Variants in TSHR observed in about 807,000 individuals in gnomAD.
TSHR encodes the protein thyroid stimulating hormone receptor.
Under a neutral mutation model 64.1 loss-of-function variants are expected in TSHR, and 51 were observed. That is an observed-to-expected ratio of 0.80 (90% CI 0.64 to 1.01). TSHR has a LOEUF of 1.01. Among genes scored for constraint, TSHR ranks in the 50% least tolerant of loss-of-function variants. The pLI, the probability that TSHR is intolerant of heterozygous loss-of-function variation, is 0.00. For missense variants in TSHR, 877 were observed against 942.8 expected, an observed-to-expected ratio of 0.93 and a Z score of 0.91; for synonymous variants, 361 against 361.9, an observed-to-expected ratio of 1.00 and a Z score of 0.03.
At chr14:81,059,313 G>A (rs999787632) in intron 1 of TSHR, among the ~76,000 whole-genome samples, 18 of 152,064 alleles carry the variant, frequency 1.2e-4, no homozygotes, top group African/African-American at 4.1e-4. Context: ...CATGTTAAAA[G>A]CCAGAAAAGA....
chr14:80,958,852 T>C (rs530894397), intron 1 of TSHR, among the ~76,000 whole-genome samples: 69 of 152,328 alleles, frequency 4.5e-4, no homozygotes, highest in African/African-American at 1.6e-3. Flanking sequence ...GTACCTCTTT[T>C]TAAAGTTTTT....
chr14:81,026,358 A>G (rs904487147), intron 1 of TSHR, among the ~76,000 whole-genome samples: 1 of 152,234 alleles, frequency 6.6e-6, no homozygotes, highest in African/African-American at 2.4e-5. Flanking sequence ...GTGTGTGTGT[A>G]TATGCACACG....
chr14:81,051,721 G>A (rs1054199283), intron 1 of TSHR: 1 of 151,996 alleles, frequency 6.6e-6, no homozygotes, highest in African/African-American at 2.4e-5. Flanking sequence ...CCTTTTTGAT[G>A]ACAGCCATAC....
chr14:81,039,521 A>G (rs1362854177), intron 1 of TSHR, among the ~76,000 whole-genome samples: 2 of 152,090 alleles, frequency 1.3e-5, no homozygotes, highest in East Asian at 3.9e-4. Flanking sequence ...AAAAGGAGGA[A>G]CTCAAACTGT....
rs753546231 is a variant in TSHR at position 81,036,908 on chromosome 14, C to T, written c.171-25240C>T. ...CTGTAATCCCAACACTTTGGGAGGC[C>T]GAGGTGGGTGGATCACCTGAGGTCA... On this transcript the variant is annotated intron_variant, in intron 1 of 9. Transcript: ENST00000298171. Among the ~76,000 whole-genome samples the T allele has an allele frequency of 4.6e-5, 7 of 151,960 alleles. No individual in the cohort carries two copies. The East Asian group carries it at 5.8e-4, about 13-fold the overall frequency.
chr14:81,124,014 T>C (rs1890914027), intron 8 of TSHR, among the ~76,000 whole-genome samples: 1 of 152,192 alleles, frequency 6.6e-6, no homozygotes, highest in Non-Finnish European at 1.5e-5. Flanking sequence ...CTCTAAATTC[T>C]AAATTATGTA....
intron 1 of TSHR, among the ~76,000 whole-genome samples, chr14:80,960,559 A>G (rs111446742): frequency 1.3e-5 from 2 of 152,378 alleles, no homozygotes; most frequent in East Asian, 3.9e-4. Context: ...TGGAATGAAC[A>G]TAATAATGAA....
At chr14:81,099,733 T>A (rs192057867) in intron 7 of TSHR, among the ~76,000 whole-genome samples, 281 of 152,262 alleles carry the variant, frequency 1.8e-3, no homozygotes, top group African/African-American at 6.2e-3. Flanking sequence ...TGATAAAACG[T>A]TATTCAAGTC....
At chr14:80,998,617 G>T (rs1307754900) in intron 1 of TSHR, among the ~76,000 whole-genome samples, 1 of 151,758 alleles carries the variant, frequency 6.6e-6, no homozygotes, top group Non-Finnish European at 1.5e-5. Context: ...ATTATAAAAA[G>T]AAACTGGAAT....
chr14:81,001,977 T>G (rs954027779), intron 1 of TSHR, among the ~76,000 whole-genome samples: 8 of 152,134 alleles, frequency 5.3e-5, no homozygotes, highest in African/African-American at 1.9e-4. Context: ...ACACAGTTCC[T>G]TAAACACAAG....
chr14:81,139,629 G>T (rs949971030), intron 8 of TSHR, 50 bp from the exon 9 acceptor site: 2 of 1,601,760 alleles, frequency 1.2e-6, no homozygotes, highest in Non-Finnish European at 1.7e-6. Flanking sequence ...GGCTGAGAAG[G>T]CCCTGGCTGC....
intron 1 of TSHR, among the ~76,000 whole-genome samples, chr14:81,056,271 C>G (rs947339696): frequency 2.0e-5 from 3 of 152,078 alleles, no homozygotes; most frequent in Admixed American, 2.0e-4. Context: ...TCTTTTTCTT[C>G]GCAGTCTCGG....
chr14:81,139,883 C>A lies in TSHR; in HGVS notation c.881+16C>A, dbSNP rs1327395228. The A allele has an allele frequency of 1.2e-6, 2 of 1,613,828 alleles. No homozygotes were observed. Among genetic ancestry groups the A allele is most frequent in the African/African-American group, 1.3e-5 (1 of 74,908 alleles). On this transcript the variant is annotated intron_variant, in intron 9 of 9. Coordinates refer to ENST00000298171, the MANE Select transcript of TSHR (RefSeq NM_000369.5). ...AAATCAGAGGGTAAGTGGCAGGGACCCGGCATAAGTGACAAAAGACCTTGG... is the reference window on the plus strand; with the variant it reads ...AAATCAGAGGGTAAGTGGCAGGGACACGGCATAAGTGACAAAAGACCTTGG...
At chr14:81,044,450 A>T (rs1175908129) in intron 1 of TSHR, among the ~76,000 whole-genome samples, 1 of 152,168 alleles carries the variant, frequency 6.6e-6, no homozygotes, top group African/African-American at 2.4e-5. Context: ...CGAGGTCAGG[A>T]GATTGAGACT....
chr14:81,025,015 C>A (rs1023365528), intron 1 of TSHR, among the ~76,000 whole-genome samples: 9 of 152,182 alleles, frequency 5.9e-5, no homozygotes, highest in African/African-American at 1.9e-4. Flanking sequence ...CAGATACTTG[C>A]AACACCTGAG....
intron 1 of TSHR, among the ~76,000 whole-genome samples, chr14:80,961,721 A>T (rs1219240332): frequency 1.3e-5 from 2 of 152,198 alleles, no homozygotes; most frequent in Non-Finnish European, 1.5e-5. Context: ...TTGTTAAAGA[A>T]ATAAATGTAA....
At chr14:81,139,945 G>T (rs917055118) in intron 9 of TSHR, 78 bp downstream of exon 9, 11 of 1,559,386 alleles carry the variant, frequency 7.1e-6, no homozygotes, top group Non-Finnish European at 9.6e-6. Flanking sequence ...TGGGGAAGAT[G>T]CTTCCTGGTT....
In TSHR at chr14:81,047,664, C is replaced by CTTTT. The variant is rs11462189; in HGVS notation, c.171-14470_171-14467dup. On this transcript the variant is annotated intron_variant, in intron 1 of 9. Transcript: ENST00000298171. Reference sequence around the variant, plus strand: ...GATGACACATGTTTGTTCATTGGCTCTTTTTTTTTTTTTTTTTGAGACAGT... The same window carrying CTTTT: ...GATGACACATGTTTGTTCATTGGCTCTTTTTTTTTTTTTTTTTTTTTGAGACAGT... Among the ~76,000 whole-genome samples the CTTTT allele has an allele frequency of 5.3e-3, 724 of 135,474 alleles. 11 individuals are homozygous for CTTTT. The highest frequency in any genetic ancestry group is 0.023 in the Middle Eastern group (6 of 256). The allele number at this position is 135,474 out of a possible 152,430, so 88.9% of individuals were successfully genotyped here.
intron 8 of TSHR, among the ~76,000 whole-genome samples, chr14:81,114,451 C>T (rs529139426): frequency 6.6e-6 from 1 of 152,294 alleles, no homozygotes; most frequent in African/African-American, 2.4e-5. Flanking sequence ...CGCTCCCACC[C>T]GAATACTGCG....
Sources: allele counts gnomAD v4.1 joint callset (sites outside exome capture counted in the v4.1 genomes callset), GRCh38; gene constraint gnomAD v4.1.1; transcripts MANE v1.5; gene names NCBI Gene and HGNC (gene_info 2026-07-23, HGNC 2026-07-21).